The following DENND2C variants were observed in gnomAD, a reference collection of about 807,000 sequenced individuals.
DENND2C encodes the protein DENN domain containing 2C, also known as DENN domain-containing protein 2C.
In DENND2C, 72 loss-of-function variants were observed where a neutral mutation model predicts 112.4. The ratio of observed to expected loss-of-function variants is 0.64; its 90% CI spans 0.53 to 0.78. The LOEUF (loss-of-function observed/expected upper bound fraction) is 0.78, where lower values mean the gene tolerates loss of function less well. DENND2C is among the 30% of genes least tolerant of loss of function. The pLI is 0.00. For synonymous variants in DENND2C, 329 were observed against 381.6 expected (o/e 0.86, Z 1.61); for missense variants, 992 against 1,113.8 (o/e 0.89, Z 1.56).
intron 1 of DENND2C, among the ~76,000 whole-genome samples, chr1:114,669,537 C>CA (rs1371274594): frequency 6.6e-6 from 1 of 151,968 alleles, no homozygotes; most frequent in Non-Finnish European, 1.5e-5. Context: ...ATCAAAACAC[C>CA]AAAAAAAGCA....
chr1:114,638,988 A>C (rs1200877752), intron 3 of DENND2C, among the ~76,000 whole-genome samples: 1 of 152,168 alleles, frequency 6.6e-6, no homozygotes, highest in Non-Finnish European at 1.5e-5. Context: ...ATTACACCTA[A>C]AAAGTCAAAC....
intron 11 of DENND2C, among the ~76,000 whole-genome samples, chr1:114,603,212 C>T (rs1655564744): frequency 6.6e-6 from 1 of 151,632 alleles, no homozygotes; most frequent in African/African-American, 2.4e-5. Context: ...GCAATCTCTG[C>T]TCACTGCAAC....
At chr1:114,633,163 T>G (rs746439385) in intron 3 of DENND2C, among the ~76,000 whole-genome samples, 13 of 151,990 alleles carry the variant, frequency 8.6e-5, no homozygotes, top group Non-Finnish European at 1.6e-4. Flanking sequence ...AAAAATCACT[T>G]TATGCCGGCG....
At chr1:114,595,749 A>C in intron 17 of DENND2C, 83 bp downstream of exon 17, 1 of 1,270,046 alleles carries the variant, frequency 7.9e-7, no homozygotes, top group Non-Finnish European at 1.1e-6. Context: ...ATATTCTCTA[A>C]GTACTTTCAC....
intron 3 of DENND2C, among the ~76,000 whole-genome samples, chr1:114,642,017 A>T (rs1656851201): frequency 6.6e-6 from 1 of 152,084 alleles, no homozygotes; most frequent in Admixed American, 6.6e-5. Flanking sequence ...AAGTGGCACA[A>T]TCTCAGCACA....
intron 10 of DENND2C, among the ~76,000 whole-genome samples, chr1:114,606,505 C>T (rs7516255): frequency 6.6e-6 from 1 of 152,068 alleles, no homozygotes; most frequent in African/African-American, 2.4e-5. Context: ...TGAAAGAAGT[C>T]GTCCAAGTAA....
At chr1:114,608,646 A>G (rs1032505990) in intron 10 of DENND2C, 40 bp downstream of exon 10, 2 of 1,595,104 alleles carry the variant, frequency 1.3e-6, no homozygotes, top group Admixed American at 3.5e-5. Context: ...ACAGAGACAC[A>G]GGAACATTCC....
At chr1:114,662,056 T>C (rs1208352396) in intron 1 of DENND2C, among the ~76,000 whole-genome samples, 1 of 152,172 alleles carries the variant, frequency 6.6e-6, no homozygotes, top group Admixed American at 6.5e-5. Context: ...TCCCCTTTTG[T>C]TCCAATTACC....
intron 3 of DENND2C, among the ~76,000 whole-genome samples, chr1:114,633,439 C>CAAAAA (rs780884019): frequency 3.5e-3 from 171 of 49,058 alleles, no homozygotes; most frequent in African/African-American, 6.0e-3. Context: ...GACCCTATCT[C>CAAAAA]AAAAAAAAAA....
In DENND2C at chr1:114,625,786, T is replaced by C; in HGVS notation, c.199A>G (p.Lys67Glu). 1 of 1,614,172 alleles carries C rather than the reference T, an allele frequency of 6.2e-7. No individual in the cohort carries two copies. The highest frequency in any genetic ancestry group is 1.3e-5 in the African/African-American group (1 of 75,064). ...CTGGTTACATCCAAGTTTTTGCTCT[T>C]TCTCTCAGCTATAGGATTTTTCTTA... ...RLKKNPIAERKSKNLDVTSRE... is the reference protein window; with the variant it reads ...RLKKNPIAERESKNLDVTSRE... The change falls in exon 4 of 21, where the codon AAG (lysine) becomes GAG (glutamate). Residue 67 changes from lysine (K) to glutamate (E), a missense_variant. By Grantham distance (56) the Lys-to-Glu change is moderately conservative. Transcript: ENST00000393274.
chr1:114,663,479 A>C (rs1657555726), intron 1 of DENND2C, among the ~76,000 whole-genome samples: 1 of 152,254 alleles, frequency 6.6e-6, no homozygotes, highest in African/African-American at 2.4e-5. Flanking sequence ...AAAATGTTTT[A>C]ATTATTTTAA....
intron 8 of DENND2C, among the ~76,000 whole-genome samples, chr1:114,611,829 AAAAT>A (rs762699960): frequency 6.7e-5 from 10 of 149,836 alleles, no homozygotes; most frequent in Non-Finnish European, 1.5e-4. Flanking sequence ...AGCAGCTTTT[AAAAT>A]AAAACATTTC....
rs989761608 is a variant in DENND2C at position 114,584,343 on chromosome 1, C to T, written c.*1257G>A. 2 of 152,178 alleles carry T rather than the reference C, an allele frequency of 1.3e-5. No individual in the cohort carries two copies. Among genetic ancestry groups the T allele is most frequent in the African/African-American group, 4.8e-5 (2 of 41,408 alleles). The allele number at this position is 152,178 out of a possible 1,614,324, so 9.4% of individuals were successfully genotyped here. A position where few individuals can be genotyped will look rare whatever the true frequency, so the allele number is the denominator to read the frequency against. On this transcript the variant is annotated 3_prime_UTR_variant, in exon 21 of 21. Transcript: ENST00000393274. ...CTGGAATGCAGTGGCGCGATCTCGG[C>T]TCACTGCAACCTCTGCCTCCTGGGC... is the stretch of plus-strand genomic sequence containing the variant.
At chr1:114,645,859 T>G (rs142710178) in intron 2 of DENND2C, among the ~76,000 whole-genome samples, 16 of 152,320 alleles carry the variant, frequency 1.1e-4, no homozygotes, top group Non-Finnish European at 2.2e-4. Context: ...CAACATTAAG[T>G]AATAATTGAT....
chr1:114,641,622 A>G (rs1570800143), intron 3 of DENND2C, among the ~76,000 whole-genome samples: 1 of 152,150 alleles, frequency 6.6e-6, no homozygotes, highest in East Asian at 1.9e-4. Flanking sequence ...ACTTTCCACC[A>G]TGATTGTAAC....
intron 8 of DENND2C, among the ~76,000 whole-genome samples, chr1:114,613,601 T>C (rs933157671): frequency 3.3e-5 from 5 of 152,102 alleles, no homozygotes; most frequent in African/African-American, 1.2e-4. Context: ...TCTATAGTCT[T>C]AGTACCAGGT....
intron 8 of DENND2C, 40 bp downstream of exon 8, chr1:114,618,346 T>C: frequency 7.1e-7 from 1 of 1,407,588 alleles, no homozygotes; most frequent in Non-Finnish European, 9.7e-7. Flanking sequence ...TCTCATATCC[T>C]GACAGCTACA....
intron 6 of DENND2C, among the ~76,000 whole-genome samples, chr1:114,622,768 A>G (rs148829237): frequency 0.026 from 3,917 of 151,644 alleles, 94 homozygotes; most frequent in Non-Finnish European, 0.034. Context: ...AAAGGCATAT[A>G]TATTCAATTA....
chr1:114,648,324 C>T (rs1353989993), intron 2 of DENND2C, among the ~76,000 whole-genome samples: 1 of 152,154 alleles, frequency 6.6e-6, no homozygotes, highest in Non-Finnish European at 1.5e-5. Context: ...TAAACTAATG[C>T]AACAGGATGT....
Sources: gnomAD v4.1 joint callset for allele counts (sites outside exome capture counted in the v4.1 genomes callset) on GRCh38, gnomAD v4.1.1 for gene constraint, MANE v1.5 for transcripts, NCBI Gene and HGNC (gene_info 2026-07-23, HGNC 2026-07-21) for gene names.